PBX1: variants seen among roughly 807,000 people sequenced by gnomAD.
PBX1 encodes the protein pre-B-cell leukemia transcription factor 1.
In PBX1, 6 loss-of-function variants were observed where a neutral mutation model predicts 53.4. The observed-to-expected ratio is 0.11, with a 90% CI of 0.06 to 0.22. The LOEUF is 0.22. Ranked by LOEUF, PBX1 falls within the 10% of genes least tolerant of loss-of-function variation. The pLI, the probability that PBX1 is intolerant of heterozygous loss-of-function variation, is 1.00. For synonymous variants in PBX1, 204 were observed against 212.3 expected, an observed-to-expected ratio of 0.96 and a Z score of 0.34; for missense variants, 251 against 551.4, an observed-to-expected ratio of 0.46 and a Z score of 5.46.
chr1:164,885,316 A>G (rs1325261130), intron 2 of PBX1, among the ~76,000 whole-genome samples: 1 of 152,178 alleles, frequency 6.6e-6, no homozygotes, highest in Non-Finnish European at 1.5e-5. Context: ...TTGGCAAAAC[A>G]CATTGATAAA....
chr1:164,695,378 A>G (rs1314855443), intron 2 of PBX1, among the ~76,000 whole-genome samples: 2 of 152,126 alleles, frequency 1.3e-5, no homozygotes, highest in Non-Finnish European at 2.9e-5. Context: ...CTATCTCATC[A>G]TATGCTACAA....
In PBX1 at chr1:164,838,029, G is replaced by A. The variant is rs112554770; in HGVS notation, c.1201-8555G>A. Among the ~76,000 whole-genome samples the A allele has an allele frequency of 7.6e-3, 1,161 of 152,222 alleles. 17 individuals carry two copies. Among genetic ancestry groups the A allele is most frequent in the African/African-American group, 0.026 (1,076 of 41,534 alleles). ...AGCCAGAGTAGATCTTGATCTCAGA[G>A]TTGATGTATTATACAAGCGCACTTT... On this transcript the variant is annotated intron_variant, in intron 8 of 8. Coordinates refer to ENST00000420696, the MANE Select transcript of PBX1 (RefSeq NM_002585.4).
At chr1:164,635,105 T>A (rs1374831021) in intron 2 of PBX1, among the ~76,000 whole-genome samples, 1 of 36,830 alleles carries the variant, frequency 2.7e-5, no homozygotes, top group Non-Finnish European at 5.3e-5. Context: ...ATTGTGAGGG[T>A]GGGGGTGGGG....
At chr1:164,679,658 A>G (rs1661638593) in intron 2 of PBX1, among the ~76,000 whole-genome samples, 1 of 152,214 alleles carries the variant, frequency 6.6e-6, no homozygotes, top group Non-Finnish European at 1.5e-5. Flanking sequence ...AAAAGAAGAC[A>G]GGTTGTATTC....
intron 8 of PBX1, among the ~76,000 whole-genome samples, chr1:164,844,357 C>T (rs369830535): frequency 6.6e-6 from 1 of 152,056 alleles, no homozygotes; most frequent in African/African-American, 2.4e-5. Context: ...CCTACAGATA[C>T]ACTCCTGCCT....
intron 2 of PBX1, among the ~76,000 whole-genome samples, chr1:164,635,404 A>G (rs182352165): frequency 2.8e-4 from 42 of 152,328 alleles, no homozygotes; most frequent in Non-Finnish European, 5.0e-4. Flanking sequence ...TCTCAGTGCG[A>G]CTTAGTAAAA....
intron 2 of PBX1, among the ~76,000 whole-genome samples, chr1:164,649,509 T>C (rs189925574): frequency 6.6e-4 from 101 of 152,250 alleles, no homozygotes; most frequent in Non-Finnish European, 3.5e-4. Flanking sequence ...ATCAGTTTTT[T>C]CCCCCCAGTA....
rs138811776 is a variant in PBX1, at chr1:164,595,396, C to T, written c.265+32085C>T. On this transcript the variant is annotated intron_variant, in intron 2 of 8. Coordinates refer to ENST00000420696, the MANE Select transcript of PBX1 (RefSeq NM_002585.4). ...TAGTGGTCCCACGGTGGCAAGTTGG[C>T]TGTGAAGCAGTTGAGGATGACATGA... is the stretch of plus-strand genomic sequence containing the variant. Among the ~76,000 whole-genome samples the T allele has an allele frequency of 1.1e-3, 160 of 152,142 alleles. 1 individual carries two copies. Among genetic ancestry groups the T allele is most frequent in the African/African-American group, 3.6e-3 (149 of 41,508 alleles).
At position 164,755,306 on chromosome 1, in the gene PBX1, T is replaced by C. The variant is rs143570539; in HGVS notation, c.266-37188T>C. ...GTGGGATTAGAGCCATGCACCACCATGGCCAGCTAATTTTGTATTTTTAGT... is the reference window on the plus strand; with the variant it reads ...GTGGGATTAGAGCCATGCACCACCACGGCCAGCTAATTTTGTATTTTTAGT... On this transcript the variant is annotated intron_variant, in intron 2 of 8. Transcript: ENST00000420696. Among the ~76,000 whole-genome samples, 414 of 152,280 alleles carry C rather than the reference T, an allele frequency of 2.7e-3. 2 individuals are homozygous for C. Among genetic ancestry groups the C allele is most frequent in the African/African-American group, 9.6e-3 (399 of 41,562 alleles).
At chr1:164,562,281 C>T (rs1160449109) in intron 1 of PBX1, among the ~76,000 whole-genome samples, 3 of 152,024 alleles carry the variant, frequency 2.0e-5, no homozygotes, top group Non-Finnish European at 4.4e-5. Flanking sequence ...GTTTTGAGTG[C>T]CAGAACTTTC....
At chr1:164,741,752 G>GTGTGTGTA (rs1160533565) in intron 2 of PBX1, among the ~76,000 whole-genome samples, 1 of 151,248 alleles carries the variant, frequency 6.6e-6, no homozygotes, top group African/African-American at 2.4e-5. Flanking sequence ...GTGTGTGTGT[G>GTGTGTGTA]TGTGTGTGTG....
At chr1:164,653,984 GCTC>G (rs1659997856) in intron 2 of PBX1, among the ~76,000 whole-genome samples, 1 of 152,114 alleles carries the variant, frequency 6.6e-6, no homozygotes, top group Non-Finnish European at 1.5e-5. Context: ...TTAAAATTCT[GCTC>G]CTTTTTCCCA....
At position 164,762,056 on chromosome 1, in the gene PBX1, T is replaced by G. The variant is rs1666843321; in HGVS notation, c.266-30438T>G. Among the ~76,000 whole-genome samples, 3 of 152,222 alleles carry G rather than the reference T, an allele frequency of 2.0e-5. No homozygotes were observed. In the South Asian group the frequency reaches 6.2e-4, roughly 32 times the overall value. ...TTTTAATTTCACTTTGTTCCTCACGTACTGTTGGAAACCAGCTTTGCAGTG... is the reference window on the plus strand; with the variant it reads ...TTTTAATTTCACTTTGTTCCTCACGGACTGTTGGAAACCAGCTTTGCAGTG... On this transcript the variant is annotated intron_variant, in intron 2 of 8. Transcript: ENST00000420696.
intron 2 of PBX1, among the ~76,000 whole-genome samples, chr1:164,747,387 TACAAA>T: frequency 6.6e-6 from 1 of 152,188 alleles, no homozygotes; most frequent in Admixed American, 6.5e-5. Flanking sequence ...TATTTCAAAG[TACAAA>T]AAGGTAGACT....
chr1:164,620,615 T>C (rs1385603408), intron 2 of PBX1, among the ~76,000 whole-genome samples: 3 of 152,214 alleles, frequency 2.0e-5, no homozygotes, highest in Non-Finnish European at 4.4e-5. Context: ...AATACATGAT[T>C]AATTTTGTAA....
intron 2 of PBX1, among the ~76,000 whole-genome samples, chr1:164,685,859 G>A (rs2102008612): frequency 6.6e-6 from 1 of 152,300 alleles, no homozygotes; most frequent in Non-Finnish European, 1.5e-5. Context: ...TCCTGGCAGT[G>A]AGAGTTCAGG....
chr1:164,799,991 A>G (rs981218933), intron 4 of PBX1, 102 bp downstream of exon 4: 7 of 1,068,370 alleles, frequency 6.6e-6, no homozygotes, highest in Non-Finnish European at 9.4e-6. Flanking sequence ...CACCCCATCA[A>G]CGCTGAACCA....
intron 2 of PBX1, among the ~76,000 whole-genome samples, chr1:164,691,408 T>G (rs1177541830): frequency 6.6e-6 from 1 of 152,228 alleles, no homozygotes; most frequent in Non-Finnish European, 1.5e-5. Context: ...ACTAGAGTAC[T>G]GTGGGCATAT....
At chr1:164,616,965 G>A (rs180707845) in intron 2 of PBX1, among the ~76,000 whole-genome samples, 95 of 152,256 alleles carry the variant, frequency 6.2e-4, no homozygotes, top group Admixed American at 4.2e-3. Flanking sequence ...TGGTAGAACT[G>A]GGACTTGAAC....
Sources: gnomAD v4.1 joint callset for allele counts (sites outside exome capture counted in the v4.1 genomes callset) on GRCh38, gnomAD v4.1.1 for gene constraint, MANE v1.5 for transcripts, NCBI Gene and HGNC (gene_info 2026-07-23, HGNC 2026-07-21) for gene names.